Variants in CPHXL2 observed in about 807,000 individuals in gnomAD.
CPHXL2 encodes cytoplasmic polyadenylated homeobox like 2, also known as cytoplasmic polyadenylated homeobox-like protein 2.
the CPHXL2 span, among the ~76,000 whole-genome samples, chr16:75,662,366 T>C: frequency 6.6e-6 from 1 of 150,508 alleles, no homozygotes; most frequent in Non-Finnish European, 1.5e-5. Flanking sequence ...GGAGGCTTCA[T>C]TGCACAGGCA....
the CPHXL2 span, among the ~76,000 whole-genome samples, chr16:75,675,147 C>T: frequency 6.7e-6 from 1 of 150,318 alleles, no homozygotes; most frequent in Admixed American, 6.6e-5. Context: ...CGAGATCGTG[C>T]CACTGCACTC....
At chr16:75,663,679 TG>T in the CPHXL2 span, among the ~76,000 whole-genome samples, 3 of 151,952 alleles carry the variant, frequency 2.0e-5, no homozygotes, top group African/African-American at 7.3e-5. Context: ...GTCAGGAGAT[TG>T]AGACCATACT....
chr16:75,663,885 C>CAAAAAAAAAAAA, the CPHXL2 span, among the ~76,000 whole-genome samples: 1 of 85,508 alleles, frequency 1.2e-5, no homozygotes, highest in African/African-American at 4.6e-5. Context: ...GACTCTGTCT[C>CAAAAAAAAAAAA]AAAAAAAAAA....
chr16:75,671,738 C>T, the CPHXL2 span, among the ~76,000 whole-genome samples: 5 of 152,110 alleles, frequency 3.3e-5, no homozygotes, highest in African/African-American at 1.2e-4. Context: ...TGGTGTTAAA[C>T]ACTGATGCAA....
At chr16:75,671,694 G>T in the CPHXL2 span, among the ~76,000 whole-genome samples, 149 of 152,250 alleles carry the variant, frequency 9.8e-4, 1 homozygote, top group Non-Finnish European at 3.8e-4. Flanking sequence ...TTTTAAATGG[G>T]TGAATTAAAA....
chr16:75,661,311 A>C, the CPHXL2 span: 1 of 399,704 alleles, frequency 2.5e-6, no homozygotes, highest in African/African-American at 2.1e-5. Context: ...GCCTCTATGC[A>C]TTCCTTAATG....
the CPHXL2 span, among the ~76,000 whole-genome samples, chr16:75,668,545 T>A: frequency 6.6e-6 from 1 of 152,084 alleles, no homozygotes; most frequent in Admixed American, 6.6e-5. Context: ...TCATATTGTG[T>A]GTGTGTGTAC....
chr16:75,675,012 A>C, the CPHXL2 span, among the ~76,000 whole-genome samples: 1 of 151,454 alleles, frequency 6.6e-6, no homozygotes, highest in African/African-American at 2.4e-5. Flanking sequence ...AATATGGTGA[A>C]ACCCCGTCTC....
At chr16:75,671,106 T>C in the CPHXL2 span, among the ~76,000 whole-genome samples, 1 of 152,158 alleles carries the variant, frequency 6.6e-6, no homozygotes, top group Admixed American at 6.5e-5. Context: ...AAACAGGCTG[T>C]GTGCGCCGGC....
At chr16:75,666,677 A>T in the CPHXL2 span, among the ~76,000 whole-genome samples, 1 of 152,260 alleles carries the variant, frequency 6.6e-6, no homozygotes, top group East Asian at 1.9e-4. Flanking sequence ...CAGGTCATCA[A>T]GACAAAGTCA....
chr16:75,661,111 A>G, the CPHXL2 span: 2 of 400,834 alleles, frequency 5.0e-6, no homozygotes, highest in East Asian at 7.1e-5. Context: ...TCTGTGGCAT[A>G]GTTGGAAGCT....
chr16:75,666,080 G>T, the CPHXL2 span, among the ~76,000 whole-genome samples: 2 of 152,244 alleles, frequency 1.3e-5, no homozygotes, highest in Admixed American at 1.3e-4. Context: ...AGGTAAAGGG[G>T]TGAAAAAGGA....
At chr16:75,676,503 G>C in the CPHXL2 span, among the ~76,000 whole-genome samples, 1 of 151,986 alleles carries the variant, frequency 6.6e-6, no homozygotes, top group African/African-American at 2.4e-5. Context: ...TATTTCTTTT[G>C]TAGAAATAGG....
the CPHXL2 span, among the ~76,000 whole-genome samples, chr16:75,662,455 C>T: frequency 1.3e-5 from 2 of 151,312 alleles, no homozygotes; most frequent in Non-Finnish European, 2.9e-5. Flanking sequence ...GAGGGTGGGG[C>T]TGAAAGTCCC....
the CPHXL2 span, chr16:75,669,265 G>A: frequency 2.0e-5 from 8 of 395,406 alleles, no homozygotes; most frequent in East Asian, 1.1e-4. Context: ...GCAGTGAGCC[G>A]TGATCGCTCC....
the CPHXL2 span, among the ~76,000 whole-genome samples, chr16:75,672,235 C>T: frequency 6.6e-6 from 1 of 150,896 alleles, no homozygotes; most frequent in African/African-American, 2.4e-5. Flanking sequence ...GCCTAGATTG[C>T]ACCACTGCAC....
At chr16:75,668,345 C>T in the CPHXL2 span, among the ~76,000 whole-genome samples, 4 of 151,764 alleles carry the variant, frequency 2.6e-5, no homozygotes, top group Admixed American at 2.0e-4. Flanking sequence ...TCTCCTGTCT[C>T]AGCCTCCCAG....
At chr16:75,662,161 CAT>C in the CPHXL2 span, among the ~76,000 whole-genome samples, 11 of 152,136 alleles carry the variant, frequency 7.2e-5, no homozygotes, top group Non-Finnish European at 1.6e-4. Flanking sequence ...CAGGGAATCA[CAT>C]ATGTTTGCCA....
chr16:75,666,579 G>A, the CPHXL2 span, among the ~76,000 whole-genome samples: 1 of 133,970 alleles, frequency 7.5e-6, no homozygotes, highest in African/African-American at 2.9e-5. Flanking sequence ...TTGCACTCCA[G>A]CCTGGGCAAC....
Sources: gnomAD v4.1 joint callset for allele counts (sites outside exome capture counted in the v4.1 genomes callset) on GRCh38, gnomAD v4.1.1 for gene constraint, MANE v1.5 for transcripts, NCBI Gene and HGNC (gene_info 2026-07-23, HGNC 2026-07-21) for gene names.